The following ZFAND3 variants were observed in gnomAD, a reference collection of about 807,000 sequenced individuals.
The protein encoded by ZFAND3 is AN1-type zinc finger protein 3.
A neutral mutation model predicts 29.6 loss-of-function variants in ZFAND3; 10 were observed. The ratio of observed to expected loss-of-function variants is 0.34; its 90% CI spans 0.21 to 0.57. ZFAND3 has a LOEUF of 0.57. ZFAND3 is among the 20% of genes least tolerant of loss of function. ZFAND3 has a pLI of 0.86. For missense variants in ZFAND3, 230 were observed against 304.5 expected (o/e 0.76, Z 1.82); for synonymous variants, 128 against 112.6 (o/e 1.14, Z -0.87).
intron 2 of ZFAND3, among the ~76,000 whole-genome samples, chr6:38,055,779 C>T (rs1470408169): frequency 1.3e-5 from 2 of 152,056 alleles, no homozygotes; most frequent in African/African-American, 4.8e-5. Context: ...TTAGAAATGC[C>T]GACCCACATG....
intron 1 of ZFAND3, among the ~76,000 whole-genome samples, chr6:37,866,282 A>G (rs564521909): frequency 6.6e-6 from 1 of 152,168 alleles, no homozygotes; most frequent in South Asian, 2.1e-4. Context: ...TTTATTTTCC[A>G]GTCTTTTTTG....
intron 1 of ZFAND3, among the ~76,000 whole-genome samples, chr6:37,837,766 A>G (rs933834717): frequency 6.6e-6 from 1 of 152,130 alleles, no homozygotes; most frequent in Admixed American, 6.5e-5. Flanking sequence ...TCAGCCTCCC[A>G]AAGTGCTGGG....
intron 3 of ZFAND3, among the ~76,000 whole-genome samples, chr6:38,075,412 G>A (rs1204024556): frequency 1.3e-5 from 2 of 152,166 alleles, no homozygotes; most frequent in Admixed American, 6.5e-5. Context: ...CAGATGTGGT[G>A]GAAATCACAA....
intron 1 of ZFAND3, among the ~76,000 whole-genome samples, chr6:37,862,118 A>G (rs1427235134): frequency 8.6e-6 from 1 of 116,646 alleles, no homozygotes; most frequent in Non-Finnish European, 1.7e-5. Context: ...TTACTTTTTT[A>G]TATGTTTACT....
At chr6:37,902,650 C>G (rs1765340516) in intron 1 of ZFAND3, among the ~76,000 whole-genome samples, 1 of 151,980 alleles carries the variant, frequency 6.6e-6, no homozygotes, top group Admixed American at 6.5e-5. Flanking sequence ...GAATTAGATC[C>G]CATTTCCTTT....
At chr6:38,031,307 C>G (rs1720988704) in intron 2 of ZFAND3, among the ~76,000 whole-genome samples, 1 of 152,210 alleles carries the variant, frequency 6.6e-6, no homozygotes, top group South Asian at 2.1e-4. Context: ...CTCCTCAATA[C>G]TTAATAAAGT....
chr6:37,966,641 A>G (rs1199009961), intron 2 of ZFAND3, among the ~76,000 whole-genome samples: 3 of 152,094 alleles, frequency 2.0e-5, no homozygotes, highest in African/African-American at 7.2e-5. Context: ...GAACCATTTG[A>G]GAAGAAGTTG....
chr6:38,114,278 C>T (rs12214375), intron 4 of ZFAND3, among the ~76,000 whole-genome samples: 6 of 152,162 alleles, frequency 3.9e-5, no homozygotes, highest in African/African-American at 7.2e-5. Flanking sequence ...GGACCCCGCC[C>T]GCAGAGAGCA....
intron 1 of ZFAND3, among the ~76,000 whole-genome samples, chr6:37,858,029 G>A (rs1019385369): frequency 5.3e-5 from 8 of 152,162 alleles, no homozygotes; most frequent in Non-Finnish European, 7.4e-5. Flanking sequence ...TCTTGGTGGA[G>A]AGAGCTTAGA....
intron 2 of ZFAND3, among the ~76,000 whole-genome samples, chr6:38,005,252 T>C (rs1763028980): frequency 6.6e-6 from 1 of 152,210 alleles, no homozygotes. Flanking sequence ...ATCTCTACTC[T>C]CACTCTGCAG....
At chr6:38,066,942 C>T (rs1229602571) in intron 3 of ZFAND3, among the ~76,000 whole-genome samples, 2 of 152,212 alleles carry the variant, frequency 1.3e-5, no homozygotes, top group Non-Finnish European at 2.9e-5. Context: ...CTGTGTGTGT[C>T]TGCAGAAGAG....
At chr6:38,051,725 T>G (rs1764031198) in intron 2 of ZFAND3, among the ~76,000 whole-genome samples, 1 of 152,250 alleles carries the variant, frequency 6.6e-6, no homozygotes, top group African/African-American at 2.4e-5. Context: ...AAGTGCATAT[T>G]TTGTTAGAAC....
intron 1 of ZFAND3, among the ~76,000 whole-genome samples, chr6:37,873,878 A>G (rs2127389057): frequency 6.6e-6 from 1 of 152,370 alleles, no homozygotes; most frequent in South Asian, 2.1e-4. Flanking sequence ...ACTGTGTCCC[A>G]GAAAAACTTT....
At chr6:37,887,484 G>T (rs1765016677) in intron 1 of ZFAND3, among the ~76,000 whole-genome samples, 1 of 152,106 alleles carries the variant, frequency 6.6e-6, no homozygotes, top group South Asian at 2.1e-4. Flanking sequence ...AATCAAATCA[G>T]AACTTACTAT....
Position 37,900,509 on chromosome 6 carries a change from C to A in ZFAND3, c.72-29450C>A, listed in dbSNP as rs551713468. On this transcript the variant is annotated intron_variant, in intron 1 of 5. Transcript: ENST00000287218. ...TATTGAGTTGTTGCAATTTTCATTA[C>A]TTTTAAACTGATTTAGTTTTCTAAG... 2.9e-4 allele frequency among the ~76,000 whole-genome samples: 44 copies of A among 152,242 alleles called. No individual in the cohort carries two copies. In the East Asian group the frequency reaches 3.7e-3, roughly 13 times the overall value.
intron 2 of ZFAND3, among the ~76,000 whole-genome samples, chr6:38,047,198 C>G (rs564784116): frequency 8.1e-4 from 123 of 151,830 alleles, no homozygotes; most frequent in African/African-American, 2.8e-3. Context: ...ACTTGTAATC[C>G]CAGCTACTCA....
intron 4 of ZFAND3, among the ~76,000 whole-genome samples, chr6:38,104,282 C>T (rs1322103618): frequency 2.0e-5 from 3 of 151,898 alleles, no homozygotes; most frequent in African/African-American, 7.3e-5. Context: ...AGAGACCTCG[C>T]GTATGAGCTG....
chr6:38,110,864 GAAGCCA>G (rs1469395694), intron 4 of ZFAND3, among the ~76,000 whole-genome samples: 1 of 152,176 alleles, frequency 6.6e-6, no homozygotes, highest in Non-Finnish European at 1.5e-5. Flanking sequence ...GAGATGTCAG[GAAGCCA>G]CAGCCATGGT....
chr6:37,895,230 T>C (rs1239117726), intron 1 of ZFAND3, among the ~76,000 whole-genome samples: 1 of 151,962 alleles, frequency 6.6e-6, no homozygotes, highest in South Asian at 2.1e-4. Flanking sequence ...TACTGCTAGG[T>C]CTTCAGGTTC....
Sources: gnomAD v4.1 joint callset for allele counts (sites outside exome capture counted in the v4.1 genomes callset) on GRCh38, gnomAD v4.1.1 for gene constraint, MANE v1.5 for transcripts, NCBI Gene and HGNC (gene_info 2026-07-23, HGNC 2026-07-21) for gene names.